REPS2: variants seen among roughly 807,000 people sequenced by gnomAD.
REPS2 encodes RALBP1 associated Eps domain containing 2, also known as ralBP1-associated Eps domain-containing protein 2.
REPS2 carries 23 observed loss-of-function variants against 53.6 expected under a neutral mutation model. The ratio of observed to expected loss-of-function variants is 0.43; its 90% CI spans 0.31 to 0.61. The LOEUF is 0.61. Among genes scored for constraint, REPS2 ranks in the 20% least tolerant of loss-of-function variants. REPS2 has a pLI of 0.11. For missense variants in REPS2, 446 were observed against 534.9 expected, an observed-to-expected ratio of 0.83 and a Z score of 1.64; for synonymous variants, 238 against 218.6, an observed-to-expected ratio of 1.09 and a Z score of -0.78.
At chrX:17,159,483 C>T in the REPS2 span, among the ~76,000 whole-genome samples, 1 of 110,877 alleles carries the variant, frequency 9.0e-6, no homozygotes, top group Non-Finnish European at 1.9e-5. Context: ...AGGATGGCAC[C>T]CTGGAAGCAT....
At chrX:17,033,386 A>G (rs1270546170) in intron 5 of REPS2, among the ~76,000 whole-genome samples, 1 of 111,458 alleles carries the variant, frequency 9.0e-6, no homozygotes, top group Non-Finnish European at 1.9e-5. Context: ...AGATGTGTGG[A>G]TGCTCATGAC....
chrX:17,134,452 T>C (rs7891150), intron 15 of REPS2, among the ~76,000 whole-genome samples: 246 of 111,476 alleles, frequency 2.2e-3, no homozygotes, highest in African/African-American at 6.6e-3. Context: ...AGAGTGGGCC[T>C]TGGGCTCAGG....
At chrX:17,143,217 T>C (rs2063469974) in intron 17 of REPS2, among the ~76,000 whole-genome samples, 1 of 112,357 alleles carries the variant, frequency 8.9e-6, no homozygotes, top group East Asian at 2.8e-4. Context: ...GGTTGAACTG[T>C]AATGTGTCTT....
intron 13 of REPS2, among the ~76,000 whole-genome samples, chrX:17,097,638 A>G (rs774892289): frequency 7.1e-5 from 8 of 112,175 alleles, no homozygotes; most frequent in Admixed American, 1.9e-4. Context: ...AAAAAAGTTA[A>G]AAGTTGGTTT....
chrX:17,066,498 T>A (rs1385969829), intron 9 of REPS2, among the ~76,000 whole-genome samples: 1 of 112,548 alleles, frequency 8.9e-6, no homozygotes, highest in Admixed American at 9.4e-5. Flanking sequence ...GGGCCTGATT[T>A]ATAATGCAGG....
rs913558176 is a variant in REPS2 at position 17,148,008 on chromosome X, G to A, written c.*527G>A. On this transcript the variant is annotated 3_prime_UTR_variant, in exon 18 of 18. Transcript: ENST00000357277. ...AAATAAAAGCATCAGATTTAGACTG[G>A]CGCTGTGCCCTCTACCACTATATGC... 2 of 112,213 alleles carry A rather than the reference G, an allele frequency of 1.8e-5. No homozygotes were observed. The highest frequency in any genetic ancestry group is 3.8e-5 in the Non-Finnish European group (2 of 53,289). 9.2% of individuals were successfully genotyped at this position (112,213 alleles called of 1,213,427 possible). A position where few individuals can be genotyped will look rare whatever the true frequency, so the allele number is the denominator to read the frequency against.
At chrX:17,029,094 G>A (rs988579070) in intron 4 of REPS2, among the ~76,000 whole-genome samples, 3 of 111,822 alleles carry the variant, frequency 2.7e-5, no homozygotes, top group Non-Finnish European at 3.8e-5. Flanking sequence ...CAAAAATAAT[G>A]TTGGTTCTTA....
intron 2 of REPS2, among the ~76,000 whole-genome samples, chrX:17,012,876 T>G (rs1422364597): frequency 2.7e-5 from 3 of 112,340 alleles, no homozygotes. Context: ...GTTGGCTTTC[T>G]TCATTTCTTT....
At chrX:17,113,553 G>A (rs1015130476) in intron 14 of REPS2, among the ~76,000 whole-genome samples, 1 of 111,425 alleles carries the variant, frequency 9.0e-6, no homozygotes. Flanking sequence ...CATGTATCAT[G>A]AAGAAACAAT....
At chrX:16,972,471 T>C (rs2060906621) in intron 1 of REPS2, among the ~76,000 whole-genome samples, 1 of 111,751 alleles carries the variant, frequency 8.9e-6, no homozygotes, top group African/African-American at 3.3e-5. Context: ...TTTGGCTTTT[T>C]TTTAGTGCCA....
Position 17,151,985 on chromosome X carries a change from T to C in REPS2, c.*4504T>C, listed in dbSNP as rs1221679500. The stretch of plus-strand genomic sequence containing the variant: ...GTCTTGTTCCTCCTTCAGCACAAGC[T>C]AGGGGAGATCCTACCAACACTGATA... On this transcript the variant is annotated 3_prime_UTR_variant, in exon 18 of 18. Transcript: ENST00000357277. The C allele has an allele frequency of 1.8e-5, 2 of 110,571 alleles. No homozygotes were observed. Among genetic ancestry groups the C allele is most frequent in the African/African-American group, 3.3e-5 (1 of 30,291 alleles). 9.1% of individuals were successfully genotyped at this position (110,571 alleles called of 1,213,427 possible).
intron 5 of REPS2, among the ~76,000 whole-genome samples, chrX:17,038,218 G>C (rs886316944): frequency 1.8e-5 from 2 of 112,253 alleles, no homozygotes; most frequent in Non-Finnish European, 3.8e-5. Context: ...TGCCCTAAAG[G>C]CCTTAAAACA....
At chrX:17,050,277 C>T (rs2061983632) in intron 6 of REPS2, among the ~76,000 whole-genome samples, 1 of 97,052 alleles carries the variant, frequency 1.0e-5, no homozygotes, top group African/African-American at 3.9e-5. Context: ...GCAGCCTTGA[C>T]CTCCTGGGCT....
intron 1 of REPS2, among the ~76,000 whole-genome samples, chrX:16,988,981 C>G (rs748164295): frequency 1.8e-5 from 2 of 111,411 alleles, no homozygotes; most frequent in Admixed American, 1.9e-4. Flanking sequence ...GGGAAAAGAA[C>G]TAGACTAGCT....
intron 2 of REPS2, among the ~76,000 whole-genome samples, chrX:17,009,373 G>T (rs1345327762): frequency 9.1e-6 from 1 of 110,035 alleles, no homozygotes; most frequent in Non-Finnish European, 1.9e-5. Flanking sequence ...TTGCCATGTT[G>T]CCCAGGCTGG....
At chrX:17,098,963 C>A (rs1299510348) in intron 13 of REPS2, among the ~76,000 whole-genome samples, 3 of 111,587 alleles carry the variant, frequency 2.7e-5, no homozygotes, top group African/African-American at 9.8e-5. Flanking sequence ...GGAATTAGCA[C>A]CTCTGAGGCA....
intron 6 of REPS2, among the ~76,000 whole-genome samples, chrX:17,051,176 C>G (rs2061997738): frequency 9.0e-6 from 1 of 111,535 alleles, no homozygotes; most frequent in African/African-American, 3.3e-5. Flanking sequence ...CATGTTGTTG[C>G]AAATGATTGG....
At chrX:17,047,550 C>T (rs1349450910) in intron 6 of REPS2, 68 bp downstream of exon 6, 3 of 1,118,422 alleles carry the variant, frequency 2.7e-6, no homozygotes, top group South Asian at 2.0e-5. Flanking sequence ...AAATCATTCA[C>T]GCAAAATGAG....
rs147520826 is a variant in REPS2 at position 17,069,954 on chromosome X, A to G, written c.1294A>G (p.Ile432Val). 202 of 1,141,838 alleles carry G rather than the reference A, an allele frequency of 1.8e-4. No homozygotes were observed. In the African/African-American group the frequency reaches 2.1e-3, roughly 12 times the overall value. 94.1% of individuals were successfully genotyped at this position (1,141,838 alleles called of 1,213,427 possible). A position where few individuals can be genotyped will look rare whatever the true frequency, so the allele number is the denominator to read the frequency against. The change falls in exon 11 of 18, where the codon ATC becomes GTC. Residue 432 changes from isoleucine to valine, a missense_variant. Coordinates refer to ENST00000357277, the MANE Select transcript of REPS2 (RefSeq NM_004726.3). Reference protein sequence around the residue: ...SDDKQALKSTINEALPKDVSE... With the variant: ...SDDKQALKSTVNEALPKDVSE... ...AACACAACTAGCTTTGAAAAGTACTATCAATGAAGCCTTACCAAAGGACGT... is the reference window on the plus strand; with the variant it reads ...AACACAACTAGCTTTGAAAAGTACTGTCAATGAAGCCTTACCAAAGGACGT...
Sources: gnomAD v4.1 joint callset for allele counts (sites outside exome capture counted in the v4.1 genomes callset) on GRCh38, gnomAD v4.1.1 for gene constraint, MANE v1.5 for transcripts, NCBI Gene and HGNC (gene_info 2026-07-23, HGNC 2026-07-21) for gene names.